The following MYH1 variants were observed in gnomAD, a reference collection of about 807,000 sequenced individuals.
The protein encoded by MYH1 is myosin heavy chain 1.
A neutral mutation model predicts 225.6 loss-of-function variants in MYH1; 214 were observed. The ratio of observed to expected loss-of-function variants is 0.95; its 90% CI spans 0.85 to 1.06. The LOEUF is 1.06. Among genes scored for constraint, MYH1 ranks in the 50% least tolerant of loss-of-function variants. MYH1 has a pLI of 0.00. For synonymous variants in MYH1, 774 were observed against 842.3 expected, an observed-to-expected ratio of 0.92 and a Z score of 1.40; for missense variants, 2,098 against 2,344.2, an observed-to-expected ratio of 0.89 and a Z score of 2.17.
rs2073108954 is a variant in MYH1 at position 10,506,038 on chromosome 17, A to G, written c.2030T>C (p.Ile677Thr). The part of the protein sequence containing the change: ...RSTHPHFVRC[I>T]IPNETKTPGA... ...AGGAGTTTTAGTTTCATTGGGGATG[A>G]TGCACCGCACAAAGTGGGGGTGAGT... The change falls in exon 18 of 40, where the codon ATC becomes ACC. Residue 677 changes from isoleucine to threonine, a missense_variant. Physicochemically the swap from Ile to Thr is moderately conservative, Grantham distance 89. Coordinates refer to ENST00000226207, the MANE Select transcript of MYH1 (RefSeq NM_005963.4). 1 of 1,614,212 alleles carries G rather than the reference A, an allele frequency of 6.2e-7. No homozygotes were observed. Among genetic ancestry groups the G allele is most frequent in the East Asian group, 2.2e-5 (1 of 44,886 alleles).
In MYH1 at chr17:10,512,189, G is replaced by A; in HGVS notation, c.1151C>T (p.Ala384Val). 1 of 1,613,250 alleles carries A rather than the reference G, an allele frequency of 6.2e-7. No individual in the cohort carries two copies. Among genetic ancestry groups the A allele is most frequent in the Non-Finnish European group, 8.5e-7 (1 of 1,179,222 alleles). Reference protein sequence around the residue: ...EQAEPDGTEVADKAAYLQNLN... With the variant: ...EQAEPDGTEVVDKAAYLQNLN... ...ATTTTGGAGATAGGCTGCCTTGTCA[G>A]CAACTGCAGAAACATAATTCAGATA... Residue 384 changes from alanine (A) to valine (V), a missense_variant, in exon 13 of 40, where the codon GCT (alanine) becomes GTT (valine). Coordinates refer to ENST00000226207, the MANE Select transcript of MYH1 (RefSeq NM_005963.4).
rs1209093092 is a variant in MYH1 at position 10,494,950 on chromosome 17, A to G, written c.5447T>C (p.Ile1816Thr). The G allele has an allele frequency of 1.2e-6, 2 of 1,614,088 alleles. No homozygotes were observed. Among genetic ancestry groups the G allele is most frequent in the East Asian group, 2.2e-5 (1 of 44,878 alleles). ...ACCCACCCTGGCCTCCAGTTTCTGG[A>G]TCTGCTTCTTCCCACCCTTCAGGGC... is the stretch of plus-strand genomic sequence containing the variant. ...QLALKGGKKQ[I>T]QKLEARVREL... The change falls in exon 37 of 40, where the codon ATC (isoleucine) becomes ACC (threonine). Residue 1816 changes from isoleucine to threonine, a missense_variant. Ile to Thr is a moderately conservative substitution (Grantham distance 89). Coordinates refer to ENST00000226207, the MANE Select transcript of MYH1 (RefSeq NM_005963.4).
Position 10,501,587 on chromosome 17 carries a change from A to G in MYH1, c.3348+7T>C, listed in dbSNP as rs2073058121. ...TAAATTAGCCTGGCGAAAATCATTT[A>G]ACGTACTTGTAACTCCTTGATTTTC... On this transcript the variant is annotated splice_region_variant and intron_variant, in intron 26 of 39. Coordinates refer to ENST00000226207, the MANE Select transcript of MYH1 (RefSeq NM_005963.4). 6.2e-7 allele frequency: 1 copy of G among 1,614,224 alleles called. No individual in the cohort carries two copies.
rs754857698 is a variant in MYH1 at position 10,495,045 on chromosome 17, C to T, written c.5352G>A (p.Glu1784=). The change falls in exon 37 of 40, where the codon GAG becomes GAA. Residue 1784 remains glutamate, a synonymous_variant. Coordinates refer to ENST00000226207, the MANE Select transcript of MYH1 (RefSeq NM_005963.4). ...TCTGTTCCAGGTTCTTCTTCATCCG[C>T]TCCAGATGGGCGCTGGTGTCCTGTT... is the stretch of plus-strand genomic sequence containing the variant. ...KKEQDTSAHL[E]RMKKNLEQTV... 3.7e-6 allele frequency: 6 copies of T among 1,614,128 alleles called. No homozygotes were observed. The East Asian group carries it at 1.1e-4, about 30-fold the overall frequency.
rs367944634 is a variant in MYH1, at chr17:10,505,474, G to T, written c.2212C>A (p.Gln738Lys). The change falls in exon 20 of 40, where the codon CAA becomes AAA. Residue 738 changes from glutamine (Q) to lysine (K), a missense_variant. Transcript: ENST00000226207. ...VLNASAIPEG[Q>K]FIDSKKASEK... ...GAAGCCTTCTTGCTATCGATGAATT[G>T]TCCTTCAGGGATAGCACTTGCATTT... The T allele has an allele frequency of 4.3e-6, 7 of 1,613,978 alleles. No individual in the cohort carries two copies. The highest frequency in any genetic ancestry group is 2.7e-5 in the African/African-American group (2 of 74,924).
At position 10,516,268 on chromosome 17, in the gene MYH1, C is replaced by G. The variant is rs751548269; in HGVS notation, c.279G>C (p.Met93Ile). The change falls in exon 4 of 40, where the codon ATG (methionine) becomes ATC (isoleucine). Residue 93 changes from methionine (M) to isoleucine (I), a missense_variant. Met to Ile is a conservative substitution (Grantham distance 10). Transcript: ENST00000226207. ...PKYDKIEDMA[M>I]MTHLHEPAVL... ...CAGCAGGCTCGTGTAGATGAGTCAT[C>G]ATGGCCATGTCCTCGATCTTGTCAT... The G allele has an allele frequency of 1.2e-6, 2 of 1,613,958 alleles. No individual in the cohort carries two copies. The highest frequency in any genetic ancestry group is 1.7e-6 in the Non-Finnish European group (2 of 1,179,980).
chr17:10,499,098 A>G lies in MYH1; in HGVS notation c.3866-6T>C. 1 of 1,601,508 alleles carries G rather than the reference A, an allele frequency of 6.2e-7. No individual in the cohort carries two copies. Among genetic ancestry groups the G allele is most frequent in the Non-Finnish European group, 8.5e-7 (1 of 1,169,704 alleles). On this transcript the variant is annotated splice_region_variant and splice_polypyrimidine_tract_variant and intron_variant, in intron 28 of 39. Transcript: ENST00000226207. Reference sequence around the variant, plus strand: ...TAGCTGGCGTGAATATTCACCTGTAAAAGACCAAGTCCAGAAAACTCAACC... The same window carrying G: ...TAGCTGGCGTGAATATTCACCTGTAGAAGACCAAGTCCAGAAAACTCAACC...
In MYH1 at chr17:10,505,149, ATTC is replaced by A; in HGVS notation, c.2435+11_2435+13del. The A allele has an allele frequency of 6.2e-7, 1 of 1,613,922 alleles. No individual in the cohort carries two copies. Among genetic ancestry groups the A allele is most frequent in the Non-Finnish European group, 8.5e-7 (1 of 1,179,948 alleles). ...CTAAGATGATGAGGTTAAGTAAAGA[ATTC>A]TTATTAATACCTTCTTTCCACCATT... On this transcript the variant is annotated intron_variant, in intron 21 of 39. Transcript: ENST00000226207.
intron 17 of MYH1, among the ~76,000 whole-genome samples, chr17:10,507,616 T>A (rs1283315682): frequency 6.6e-6 from 1 of 152,160 alleles, no homozygotes; most frequent in South Asian, 2.1e-4. Flanking sequence ...GGCCCCAGAA[T>A]CGAATTTTGC....
intron 22 of MYH1, 63 bp downstream of exon 22, chr17:10,504,747 C>T: frequency 1.3e-6 from 2 of 1,574,268 alleles, no homozygotes; most frequent in East Asian, 2.2e-5. Context: ...TAGATCTCTC[C>T]TTAGTGACCA....
At position 10,501,666 on chromosome 17, in the gene MYH1, G is replaced by T. The variant is rs371969999; in HGVS notation, c.3276C>A (p.Ser1092Arg). The T allele has an allele frequency of 1.2e-6, 2 of 1,614,116 alleles. No individual in the cohort carries two copies. The highest frequency in any genetic ancestry group is 1.7e-6 in the Non-Finnish European group (2 of 1,180,014). Residue 1092 changes from serine to arginine, a missense_variant, in exon 26 of 40, where the codon AGC becomes AGA. By Grantham distance (110) the Ser-to-Arg change is moderately radical (BLOSUM62 -1). Coordinates refer to ENST00000226207, the MANE Select transcript of MYH1 (RefSeq NM_005963.4). ...EKLKKKEFEM[S>R]GLQSKIEDEQ... ...CATCTTCAATCTTGCTTTGCAGACC[G>T]CTCATTTCAAACTCTTTCCTATTAG...
At chr17:10,497,011 A>G (rs2073002609) in intron 33 of MYH1, 58 bp downstream of exon 33, 1 of 1,574,580 alleles carries the variant, frequency 6.4e-7, no homozygotes. Flanking sequence ...CATTCCTTAC[A>G]TTTAATAGAC....
chr17:10,511,743 G>T, intron 14 of MYH1, 96 bp downstream of exon 14: 1 of 1,582,624 alleles, frequency 6.3e-7, no homozygotes, highest in South Asian at 1.1e-5. Flanking sequence ...ATTTTTCATA[G>T]ACCCTTTCCA....
intron 29 of MYH1, 67 bp from the exon 30 acceptor site, chr17:10,498,889 A>G: frequency 6.2e-7 from 1 of 1,606,512 alleles, no homozygotes; most frequent in Non-Finnish European, 8.5e-7. Flanking sequence ...CTGATCTCCT[A>G]TAGGCCACCA....
At chr17:10,517,172 A>G (rs535557210) in intron 2 of MYH1, among the ~76,000 whole-genome samples, 3 of 152,338 alleles carry the variant, frequency 2.0e-5, no homozygotes, top group Admixed American at 1.3e-4. Context: ...TTGGTGAATT[A>G]AAAGAACAAT....
chr17:10,497,836 C>T lies in MYH1; in HGVS notation c.4263G>A (p.Thr1421=), dbSNP rs370946637. 1.9e-5 allele frequency: 31 copies of T among 1,614,128 alleles called. No homozygotes were observed. Among genetic ancestry groups the T allele is most frequent in the African/African-American group, 2.7e-5 (2 of 75,058 alleles). ...VNAKCASLEK[T]KQRLQNEVED... is the part of the protein sequence containing the mutation. The stretch of plus-strand genomic sequence containing the variant: ...CAACTTCATTCTGGAGCCTCTGCTT[C>T]GTCTTCTCAAGGGAAGCACATTTGG... Residue 1421 remains threonine (T), a synonymous_variant, in exon 31 of 40, where the codon ACG becomes ACA. Transcript: ENST00000226207.
chr17:10,504,148 T>C (rs987090961), intron 22 of MYH1, among the ~76,000 whole-genome samples: 1 of 152,248 alleles, frequency 6.6e-6, no homozygotes, highest in Non-Finnish European at 1.5e-5. Context: ...AACTGTCTTG[T>C]TATTTGTGTT....
At chr17:10,510,568 A>G (rs2073160798) in intron 14 of MYH1, among the ~76,000 whole-genome samples, 1 of 152,184 alleles carries the variant, frequency 6.6e-6, no homozygotes, top group Non-Finnish European at 1.5e-5. Flanking sequence ...ATTATTCGGG[A>G]CACCTACATA....
At chr17:10,511,249 T>C (rs1249829593) in intron 14 of MYH1, among the ~76,000 whole-genome samples, 1 of 151,850 alleles carries the variant, frequency 6.6e-6, no homozygotes, top group East Asian at 1.9e-4. Flanking sequence ...CAGGTATTCT[T>C]CCTTAGGCAG....
Sources: gnomAD v4.1 joint callset for allele counts (sites outside exome capture counted in the v4.1 genomes callset) on GRCh38, gnomAD v4.1.1 for gene constraint, MANE v1.5 for transcripts, NCBI Gene and HGNC (gene_info 2026-07-23, HGNC 2026-07-21) for gene names.